Variants in EYS observed in about 807,000 individuals in gnomAD.
EYS encodes EGF-like photoreceptor maintenance factor.
In EYS, 250 loss-of-function variants were observed where a neutral mutation model predicts 282.1. The ratio of observed to expected loss-of-function variants is 0.89; its 90% confidence interval spans 0.80 to 0.98. The LOEUF (loss-of-function observed/expected upper bound fraction) is 0.98. Among genes scored for constraint, EYS ranks in the 50% least tolerant of loss-of-function variants. The pLI is 0.00. For missense variants in EYS, 4,016 were observed against 3,709.0 expected, an observed-to-expected ratio of 1.08 and a Z score of -2.15; for synonymous variants, 1,355 against 1,282.9, an observed-to-expected ratio of 1.06 and a Z score of -1.20.
intron 18 of EYS, among the ~76,000 whole-genome samples, chr6:64,901,518 T>C (rs1288432247): frequency 6.6e-6 from 1 of 151,850 alleles, no homozygotes; most frequent in African/African-American, 2.4e-5. Context: ...ATTGTATTTT[T>C]CAAAAGAAAT....
chr6:63,953,294 A>T (rs1416503943), intron 35 of EYS, among the ~76,000 whole-genome samples: 1 of 152,048 alleles, frequency 6.6e-6, no homozygotes, highest in Non-Finnish European at 1.5e-5. Context: ...CTCATGATTT[A>T]CTTTCTTTCC....
intron 24 of EYS, among the ~76,000 whole-genome samples, chr6:64,609,040 AAC>A: frequency 6.6e-6 from 1 of 152,286 alleles, no homozygotes; most frequent in South Asian, 2.1e-4. Context: ...CTCTAATGTG[AAC>A]TACAGACTTT....
At chr6:64,236,820 C>T (rs886924290) in intron 30 of EYS, among the ~76,000 whole-genome samples, 10 of 148,232 alleles carry the variant, frequency 6.7e-5, no homozygotes, top group Non-Finnish European at 1.0e-4. Context: ...ACTTTAAGTT[C>T]TAGGGTACAT....
intron 12 of EYS, among the ~76,000 whole-genome samples, chr6:65,184,764 T>A (rs1765476679): frequency 6.6e-6 from 1 of 151,624 alleles, no homozygotes; most frequent in South Asian, 2.1e-4. Flanking sequence ...CTAAAAACCT[T>A]CTGGAAAGCA....
intron 15 of EYS, among the ~76,000 whole-genome samples, chr6:64,943,390 C>T (rs9363296): frequency 6.6e-6 from 1 of 151,932 alleles, no homozygotes; most frequent in Admixed American, 6.6e-5. Flanking sequence ...CAAAAAGGAA[C>T]AAAATAAGTC....
intron 29 of EYS, among the ~76,000 whole-genome samples, chr6:64,359,394 G>T (rs1217992790): frequency 1.3e-5 from 2 of 151,712 alleles, no homozygotes; most frequent in East Asian, 3.9e-4. Flanking sequence ...CCTGTAAAAT[G>T]GTTTGCTGGC....
At chr6:65,390,434 G>C (rs1341464729) in intron 7 of EYS, among the ~76,000 whole-genome samples, 2 of 151,488 alleles carry the variant, frequency 1.3e-5, no homozygotes, top group East Asian at 3.9e-4. Context: ...AAGGAGAAGG[G>C]AAAAAATGGT....
chr6:63,821,789 C>T (rs992428499), intron 36 of EYS: 3 of 152,238 alleles, frequency 2.0e-5, no homozygotes, highest in Non-Finnish European at 4.4e-5. Context: ...AAGGAGCAAA[C>T]AACCAGCTGG....
At chr6:64,371,973 C>T (rs1031197533) in intron 29 of EYS, among the ~76,000 whole-genome samples, 13 of 151,998 alleles carry the variant, frequency 8.6e-5, no homozygotes, top group Non-Finnish European at 1.8e-4. Flanking sequence ...TCTAATCTTC[C>T]ACTCTGTGCC....
At chr6:63,778,426 G>T (rs1286890911) in intron 39 of EYS, among the ~76,000 whole-genome samples, 2 of 151,784 alleles carry the variant, frequency 1.3e-5, no homozygotes, top group African/African-American at 2.4e-5. Flanking sequence ...TTTTTTCTAT[G>T]CTTAGTCATA....
intron 26 of EYS, among the ~76,000 whole-genome samples, chr6:64,446,533 G>T (rs1263213590): frequency 6.7e-6 from 1 of 148,492 alleles, no homozygotes; most frequent in Non-Finnish European, 1.5e-5. Flanking sequence ...AAAGTGTAAA[G>T]GAATCTTAGC....
chr6:64,006,757 G>T (rs969769151), intron 33 of EYS, among the ~76,000 whole-genome samples: 1 of 152,078 alleles, frequency 6.6e-6, no homozygotes, highest in South Asian at 2.1e-4. Context: ...AGATAATCAC[G>T]TGGTTTTTGT....
intron 1 of EYS, among the ~76,000 whole-genome samples, chr6:65,705,713 T>C (rs1160183443): frequency 2.0e-5 from 3 of 152,190 alleles, no homozygotes; most frequent in Non-Finnish European, 1.5e-5. Context: ...AGTTCTTGAA[T>C]ATTGAGTATA....
chr6:64,834,003 A>C (rs747415631), intron 19 of EYS, among the ~76,000 whole-genome samples: 1 of 151,836 alleles, frequency 6.6e-6, no homozygotes, highest in Non-Finnish European at 1.5e-5. Flanking sequence ...GCCTTGATGA[A>C]ATTTAAGGAT....
intron 33 of EYS, among the ~76,000 whole-genome samples, chr6:64,039,967 AAGAT>A (rs1770307374): frequency 6.6e-6 from 1 of 152,188 alleles, no homozygotes; most frequent in Non-Finnish European, 1.5e-5. Flanking sequence ...TGTTCTTAGA[AAGAT>A]AACCTCATAG....
intron 19 of EYS, among the ~76,000 whole-genome samples, chr6:64,864,344 A>G (rs1766345127): frequency 6.7e-6 from 1 of 149,404 alleles, no homozygotes; most frequent in South Asian, 2.1e-4. Flanking sequence ...GCTATTGAGA[A>G]GGCAAAAATA....
At chr6:64,661,504 T>C (rs1241836088) in intron 22 of EYS, among the ~76,000 whole-genome samples, 1 of 152,122 alleles carries the variant, frequency 6.6e-6, no homozygotes, top group Non-Finnish European at 1.5e-5. Context: ...AAAGGGCTAA[T>C]ATCCAGAATC....
At chr6:64,058,093 C>A (rs574813209) in intron 33 of EYS, among the ~76,000 whole-genome samples, 1 of 152,210 alleles carries the variant, frequency 6.6e-6, no homozygotes, top group South Asian at 2.1e-4. Flanking sequence ...TTTTCCTGTG[C>A]TGTTCTCATG....
chr6:64,251,399 T>C (rs1344174422), intron 30 of EYS, among the ~76,000 whole-genome samples: 2 of 151,994 alleles, frequency 1.3e-5, no homozygotes, highest in East Asian at 3.9e-4. Context: ...ATAGCTAGGG[T>C]TGCTTCTGAT....
Sources: allele counts gnomAD v4.1 joint callset (sites outside exome capture counted in the v4.1 genomes callset), GRCh38; gene constraint gnomAD v4.1.1; transcripts MANE v1.5; gene names NCBI Gene and HGNC (gene_info 2026-07-23, HGNC 2026-07-21).